HIPK2: variants seen among roughly 807,000 people sequenced by gnomAD.
HIPK2 encodes the protein homeodomain interacting protein kinase 2.
In HIPK2, 27 loss-of-function variants were observed where a neutral mutation model predicts 113.7. That is an observed-to-expected ratio of 0.24 (90% CI 0.17 to 0.33). The LOEUF (loss-of-function observed/expected upper bound fraction) is 0.33. Among genes scored for constraint, HIPK2 ranks in the 10% least tolerant of loss-of-function variants. The pLI, the probability that HIPK2 is intolerant of heterozygous loss-of-function variation, is 1.00. For synonymous variants in HIPK2, 631 were observed against 642.2 expected, an observed-to-expected ratio of 0.98 and a Z score of 0.26; for missense variants, 1,257 against 1,588.0, an observed-to-expected ratio of 0.79 and a Z score of 3.54.
chr7:139,702,021 G>A (rs1036600045), intron 2 of HIPK2, among the ~76,000 whole-genome samples: 13 of 152,294 alleles, frequency 8.5e-5, no homozygotes, highest in African/African-American at 3.1e-4. Flanking sequence ...GGACGTGGGA[G>A]CCAAGCAGGG....
chr7:139,702,994 C>G (rs1794758191), intron 2 of HIPK2, among the ~76,000 whole-genome samples: 1 of 152,160 alleles, frequency 6.6e-6, no homozygotes, highest in Non-Finnish European at 1.5e-5. Context: ...GTTCCCCTGT[C>G]CGGCCGTTTC....
chr7:139,726,994 A>C lies in HIPK2; in HGVS notation c.20-9979T>G, dbSNP rs539530806. Reference sequence around the variant, plus strand: ...TTAGGCATTAGTAACAACAAAGAGGAAATGTTCTATATGCAACAAGAAAAA... The same window carrying C: ...TTAGGCATTAGTAACAACAAAGAGGCAATGTTCTATATGCAACAAGAAAAA... On this transcript the variant is annotated intron_variant, in intron 1 of 14. Coordinates refer to ENST00000406875, the MANE Select transcript of HIPK2 (RefSeq NM_022740.5). 4.6e-5 allele frequency among the ~76,000 whole-genome samples: 7 copies of C among 152,318 alleles called. No individual in the cohort carries two copies. In the East Asian group the frequency reaches 1.3e-3, roughly 29 times the overall value.
chr7:139,733,546 C>T (rs1795853273), intron 1 of HIPK2, among the ~76,000 whole-genome samples: 1 of 152,160 alleles, frequency 6.6e-6, no homozygotes, highest in Non-Finnish European at 1.5e-5. Context: ...AGAGAACACT[C>T]CTGATATATG....
At chr7:139,614,205 G>C in intron 8 of HIPK2, 81 bp downstream of exon 8, 1 of 1,203,316 alleles carries the variant, frequency 8.3e-7, no homozygotes, top group Non-Finnish European at 1.1e-6. Flanking sequence ...GAAAATGAGC[G>C]TGACAGAAAA....
chr7:139,622,002 T>G (rs1416119704), intron 6 of HIPK2, among the ~76,000 whole-genome samples: 2 of 151,518 alleles, frequency 1.3e-5, no homozygotes, highest in Non-Finnish European at 2.9e-5. Flanking sequence ...CTATTTTAAT[T>G]ATAAAAAATG....
At chr7:139,704,540 TACAC>T (rs1463989292) in intron 2 of HIPK2, among the ~76,000 whole-genome samples, 4 of 149,358 alleles carry the variant, frequency 2.7e-5, no homozygotes, top group African/African-American at 5.0e-5. Context: ...CCACACCCCA[TACAC>T]ACAGCAACAT....
intron 6 of HIPK2, among the ~76,000 whole-genome samples, chr7:139,624,161 T>G (rs923536609): frequency 6.6e-6 from 1 of 152,278 alleles, no homozygotes; most frequent in African/African-American, 2.4e-5. Context: ...TAGCTGGGAT[T>G]ACAGAAGTGC....
Position 139,631,336 on chromosome 7 carries a change from T to C in HIPK2, c.1228-52A>G, listed in dbSNP as rs1262541539. On this transcript the variant is annotated intron_variant, in intron 3 of 14. Transcript: ENST00000406875. The surrounding 1 kb of genome is among the most constrained non-coding windows in gnomAD (Gnocchi z 4.9). ...AGGGCTTTTCCTGTCACTATACATA[T>C]GGTATACTAATGGCTCTGCTGGCTT... is the stretch of plus-strand genomic sequence containing the variant. 1.3e-6 allele frequency: 2 copies of C among 1,567,560 alleles called. No individual in the cohort carries two copies. Among genetic ancestry groups the C allele is most frequent in the Admixed American group, 3.8e-5 (2 of 52,784 alleles).
intron 1 of HIPK2, among the ~76,000 whole-genome samples, chr7:139,768,574 T>C (rs543749850): frequency 2.8e-4 from 42 of 152,292 alleles, no homozygotes; most frequent in African/African-American, 9.4e-4. Flanking sequence ...GGTGACAAGC[T>C]GTGAACTTTC....
chr7:139,605,292 T>C (rs1399595912), intron 9 of HIPK2, among the ~76,000 whole-genome samples: 1 of 151,996 alleles, frequency 6.6e-6, no homozygotes, highest in Non-Finnish European at 1.5e-5. Flanking sequence ...TTTTAATCCA[T>C]GATCACTATT....
At chr7:139,650,544 G>GT (rs142525045) in intron 2 of HIPK2, among the ~76,000 whole-genome samples, 4,576 of 151,688 alleles carry the variant, frequency 0.03, 102 homozygotes, top group Non-Finnish European at 0.045. Flanking sequence ...GATCACAGCT[G>GT]TGACAGCCAG....
chr7:139,717,013 T>C lies in HIPK2; in HGVS notation c.22A>G (p.Met8Val), dbSNP rs770305413. 2 of 1,604,868 alleles carry C rather than the reference T, an allele frequency of 1.2e-6. No individual in the cohort carries two copies. The highest frequency in any genetic ancestry group is 1.7e-6 in the Non-Finnish European group (2 of 1,172,792). Residue 8 changes from methionine (M) to valine (V), a missense_variant and splice_region_variant, in exon 2 of 15, where the codon ATG becomes GTG. This residue lies in a region of HIPK2 where 209 missense variants were observed against 237.8 expected (regional missense o/e 0.88). Transcript: ENST00000406875. The part of the protein sequence containing the change: MAPVYEG[M>V]ASHVQVFSPH... ...GAGAAAACTTGCACATGTGAGGCCA[T>C]ACCTACAAGGAAAGGAAAACGAAAA...
intron 2 of HIPK2, among the ~76,000 whole-genome samples, chr7:139,646,666 C>A (rs1294733435): frequency 1.3e-5 from 2 of 152,154 alleles, no homozygotes; most frequent in African/African-American, 2.4e-5. Context: ...CAACATTCAG[C>A]AAAAGAGATG....
rs536864763 is a variant in HIPK2 at position 139,672,605 on chromosome 7, G to A, written c.1104-40880C>T. Among the ~76,000 whole-genome samples, 284 of 152,074 alleles carry A rather than the reference G, an allele frequency of 1.9e-3. 1 individual carries two copies. Among genetic ancestry groups the A allele is most frequent in the African/African-American group, 5.9e-3 (243 of 41,488 alleles). On this transcript the variant is annotated intron_variant, in intron 2 of 14. Transcript: ENST00000406875. Reference sequence around the variant, plus strand: ...CTCAGCCTCCTGAGTAGCTACAGGCGCTGCCACCACGCCCGCCTAATTTTT... The same window carrying A: ...CTCAGCCTCCTGAGTAGCTACAGGCACTGCCACCACGCCCGCCTAATTTTT...
intron 11 of HIPK2, among the ~76,000 whole-genome samples, chr7:139,597,605 C>T (rs973953540): frequency 2.0e-5 from 3 of 152,148 alleles, no homozygotes; most frequent in Non-Finnish European, 2.9e-5. Flanking sequence ...TATTTGTGTG[C>T]ATATAATTGC....
chr7:139,633,472 C>A (rs1800692997), intron 2 of HIPK2, among the ~76,000 whole-genome samples: 2 of 152,010 alleles, frequency 1.3e-5, no homozygotes, highest in African/African-American at 2.4e-5. Flanking sequence ...AGAAAACAAA[C>A]AAAACCCAAA....
chr7:139,738,102 TC>T (rs1183057985), intron 1 of HIPK2, among the ~76,000 whole-genome samples: 1 of 152,212 alleles, frequency 6.6e-6, no homozygotes, highest in Non-Finnish European at 1.5e-5. Flanking sequence ...TTATACATGT[TC>T]CCTGAGTACA....
chr7:139,731,045 G>C (rs1795763708), intron 1 of HIPK2, among the ~76,000 whole-genome samples: 1 of 152,216 alleles, frequency 6.6e-6, no homozygotes, highest in Non-Finnish European at 1.5e-5. Context: ...TGTGAGAGAA[G>C]ACATTTCTGT....
chr7:139,595,899 G>A (rs981558313), intron 12 of HIPK2, among the ~76,000 whole-genome samples: 3 of 152,156 alleles, frequency 2.0e-5, no homozygotes, highest in African/African-American at 7.2e-5. Context: ...GACTGGCAGC[G>A]CTGGGCCTGG....
Sources: gnomAD v4.1 joint callset for allele counts (sites outside exome capture counted in the v4.1 genomes callset) on GRCh38, gnomAD v4.1.1 for gene constraint, gnomAD v4.1.1 regional missense constraint, Gnocchi (gnomAD v3.1) non-coding constraint, MANE v1.5 for transcripts, NCBI Gene and HGNC (gene_info 2026-07-23, HGNC 2026-07-21) for gene names.